The following AMOTL1 variants were observed in gnomAD, a reference collection of about 807,000 sequenced individuals.
The protein encoded by AMOTL1 is angiomotin like 1.
In AMOTL1, 45 loss-of-function variants were observed where a neutral mutation model predicts 102.9. The observed-to-expected ratio is 0.44, with a 90% CI of 0.34 to 0.56. The LOEUF is 0.56. Ranked by LOEUF, AMOTL1 falls within the 20% of genes least tolerant of loss-of-function variation. The probability of loss-of-function intolerance (pLI) is 0.01; values close to 1 mark genes in which losing one functional copy is unlikely to be tolerated. For synonymous variants in AMOTL1, 481 were observed against 484.7 expected (o/e 0.99, Z 0.10); for missense variants, 1,114 against 1,225.6 (o/e 0.91, Z 1.36).
intron 4 of AMOTL1, among the ~76,000 whole-genome samples, chr11:94,827,039 A>T (rs1951980598): frequency 1.3e-5 from 2 of 152,290 alleles, no homozygotes; most frequent in South Asian, 4.1e-4. Context: ...AGAATGCATG[A>T]TTCAGTGTCC....
intron 3 of AMOTL1, among the ~76,000 whole-genome samples, chr11:94,819,983 T>G (rs1951835390): frequency 1.3e-5 from 2 of 152,160 alleles, no homozygotes; most frequent in South Asian, 4.1e-4. Context: ...GAGCTAATAC[T>G]AGGTATTTGA....
chr11:94,731,317 G>C (rs909627995), intron 2 of AMOTL1, among the ~76,000 whole-genome samples: 1 of 151,878 alleles, frequency 6.6e-6, no homozygotes, highest in Non-Finnish European at 1.5e-5. Flanking sequence ...GTGAAGCACA[G>C]TCACCCACTG....
intron 4 of AMOTL1, among the ~76,000 whole-genome samples, chr11:94,826,687 G>A (rs572872600): frequency 1.3e-5 from 2 of 152,286 alleles, no homozygotes; most frequent in East Asian, 1.9e-4. Flanking sequence ...CCATTCACAA[G>A]GGACCCGCCC....
chr11:94,847,340 G>C (rs767489417), intron 6 of AMOTL1, among the ~76,000 whole-genome samples: 1 of 152,126 alleles, frequency 6.6e-6, no homozygotes, highest in African/African-American at 2.4e-5. Flanking sequence ...GAGGTCATGA[G>C]GATACTGAAT....
At chr11:94,761,660 T>C (rs192962104) in intron 3 of AMOTL1, among the ~76,000 whole-genome samples, 1 of 152,246 alleles carries the variant, frequency 6.6e-6, no homozygotes, top group African/African-American at 2.4e-5. Context: ...CAATAACTTA[T>C]AGAACATTTA....
chr11:94,830,087 A>T lies in AMOTL1; in HGVS notation c.1451A>T (p.Glu484Val). ...KELQRISEAYESLVKSTTKRE... is the reference protein window; with the variant it reads ...KELQRISEAYVSLVKSTTKRE... The stretch of plus-strand genomic sequence containing the variant: ...CTTCAGAGAATTTCGGAAGCCTATG[A>T]AAGTCTGGTCAAGTCTACCACCAAG... The change falls in exon 5 of 13, where the codon GAA (glutamate) becomes GTA (valine). Residue 484 changes from glutamate to valine, a missense_variant. Glu to Val is a moderately radical substitution (Grantham distance 121). Transcript: ENST00000433060. 1 of 1,607,878 alleles carries T rather than the reference A, an allele frequency of 6.2e-7. No individual in the cohort carries two copies. The highest frequency in any genetic ancestry group is 8.5e-7 in the Non-Finnish European group (1 of 1,177,464).
intron 12 of AMOTL1, among the ~76,000 whole-genome samples, chr11:94,870,209 T>A (rs1209161429): frequency 6.6e-6 from 1 of 152,234 alleles, no homozygotes; most frequent in African/African-American, 2.4e-5. Flanking sequence ...ATCATGGTCA[T>A]GGGGACCTCC....
At chr11:94,834,181 C>G (rs1952127787) in intron 6 of AMOTL1, among the ~76,000 whole-genome samples, 1 of 152,188 alleles carries the variant, frequency 6.6e-6, no homozygotes, top group African/African-American at 2.4e-5. Flanking sequence ...AAATTTCAAA[C>G]ACCTAGTGAT....
chr11:94,840,669 TATATATATATATACACAC>T (rs1017420865), intron 6 of AMOTL1, among the ~76,000 whole-genome samples: 6 of 126,748 alleles, frequency 4.7e-5, no homozygotes, highest in African/African-American at 1.8e-4. Context: ...TATATATATA[TATATATATATATACACAC>T]ACACACACAC....
At chr11:94,863,555 G>A (rs768104340) in intron 9 of AMOTL1, among the ~76,000 whole-genome samples, 2 of 151,886 alleles carry the variant, frequency 1.3e-5, no homozygotes, top group Non-Finnish European at 1.5e-5. Flanking sequence ...TCACGCCACT[G>A]CACTCCAGTC....
In AMOTL1 at chr11:94,851,402, C is replaced by CT. The variant is rs945716707; in HGVS notation, c.1794+1151dup. On this transcript the variant is annotated intron_variant, in intron 7 of 12. Transcript: ENST00000433060. ...ACAAGTTATAACAACCAATATGGGTCTTTTTTTTAAATCATTATATTTATG... is the reference window on the plus strand; with the variant it reads ...ACAAGTTATAACAACCAATATGGGTCTTTTTTTTTAAATCATTATATTTATG... Among the ~76,000 whole-genome samples the CT allele has an allele frequency of 5.3e-5, 8 of 152,108 alleles. No homozygotes were observed. In the South Asian group the frequency reaches 6.3e-4, roughly 12 times the overall value.
rs1173672364 is a variant in AMOTL1 at position 94,768,435 on chromosome 11, T to C, written c.-77T>C. On this transcript the variant is annotated 5_prime_UTR_variant, in exon 1 of 13. Coordinates refer to ENST00000433060, the MANE Select transcript of AMOTL1 (RefSeq NM_130847.3). ...TGAAGCCCTGTGTGAATGGGGTTGA[T>C]TGTCCGGCGCCACTTCCCCGCGCTG... 1 of 1,543,264 alleles carries C rather than the reference T, an allele frequency of 6.5e-7. No individual in the cohort carries two copies. Among genetic ancestry groups the C allele is most frequent in the African/African-American group, 1.4e-5 (1 of 72,884 alleles).
At chr11:94,740,416 C>A (rs975459739) in intron 2 of AMOTL1, 1 of 152,106 alleles carries the variant, frequency 6.6e-6, no homozygotes, top group East Asian at 1.9e-4. Flanking sequence ...GTTGGGAGGC[C>A]GCGCGCGCCT....
intron 6 of AMOTL1, among the ~76,000 whole-genome samples, chr11:94,849,813 GA>G (rs1952493150): frequency 6.6e-6 from 1 of 152,178 alleles, no homozygotes; most frequent in Admixed American, 6.5e-5. Flanking sequence ...GTAGATACAA[GA>G]TTGATTTGAA....
chr11:94,747,339 GT>G (rs2135485409), intron 3 of AMOTL1, among the ~76,000 whole-genome samples: 1 of 152,138 alleles, frequency 6.6e-6, no homozygotes, highest in South Asian at 2.1e-4. Context: ...CTCAGACCTG[GT>G]GAACTGGCCT....
intron 1 of AMOTL1, among the ~76,000 whole-genome samples, chr11:94,727,965 C>T (rs144452334): frequency 5.9e-5 from 9 of 152,302 alleles, no homozygotes; most frequent in Admixed American, 1.3e-4. Flanking sequence ...ATGCAGGAAC[C>T]CGCAGGGCAA....
At chr11:94,727,320 T>C (rs1950276868) in intron 1 of AMOTL1, among the ~76,000 whole-genome samples, 1 of 152,206 alleles carries the variant, frequency 6.6e-6, no homozygotes, top group African/African-American at 2.4e-5. Flanking sequence ...ATATAAAATG[T>C]TGGATATTTA....
intron 1 of AMOTL1, 105 bp downstream of exon 1, chr11:94,768,665 G>A (rs1950893610): frequency 4.7e-6 from 7 of 1,504,732 alleles, no homozygotes; most frequent in Admixed American, 2.1e-5. Flanking sequence ...ACGGAAGGGG[G>A]CAGCTTCTGG....
intron 4 of AMOTL1, among the ~76,000 whole-genome samples, chr11:94,828,933 A>G (rs1487706475): frequency 1.3e-5 from 2 of 152,124 alleles, no homozygotes; most frequent in Non-Finnish European, 2.9e-5. Flanking sequence ...CCATGTTTGC[A>G]GGCACCCTCA....
Sources: gnomAD v4.1 joint callset for allele counts (sites outside exome capture counted in the v4.1 genomes callset) on GRCh38, gnomAD v4.1.1 for gene constraint, MANE v1.5 for transcripts, NCBI Gene and HGNC (gene_info 2026-07-23, HGNC 2026-07-21) for gene names.